Variants in ADAMTS9 observed in about 807,000 individuals in gnomAD.
The protein encoded by ADAMTS9 is A disintegrin and metalloproteinase with thrombospondin motifs 9.
Under a neutral mutation model 257.1 loss-of-function variants are expected in ADAMTS9, and 107 were observed. The ratio of observed to expected loss-of-function variants is 0.42; its 90% confidence interval spans 0.36 to 0.49. The LOEUF is 0.49. ADAMTS9 is among the 20% of genes least tolerant of loss of function. The pLI is 0.03. For synonymous variants in ADAMTS9, 982 were observed against 880.9 expected (o/e 1.11, Z -2.03); for missense variants, 2,353 against 2,469.1 (o/e 0.95, Z 1.00).
chr3:64,622,403 C>A lies in ADAMTS9; in HGVS notation c.2556+17G>T. 1 of 1,613,636 alleles carries A rather than the reference C, an allele frequency of 6.2e-7. No individual in the cohort carries two copies. Among genetic ancestry groups the A allele is most frequent in the South Asian group, 1.1e-5 (1 of 91,068 alleles). On this transcript the variant is annotated intron_variant, in intron 17 of 39. Coordinates refer to ENST00000498707, the MANE Select transcript of ADAMTS9 (RefSeq NM_182920.2). ...AAGCAGAAGAAAAGGGTGGTGGGCT[C>A]ATGGTCAAGTTTTTACCTGAAGCAA...
Position 64,607,006 on chromosome 3 carries a change from A to G in ADAMTS9, c.3428T>C (p.Val1143Ala), listed in dbSNP as rs1230531992. The G allele has an allele frequency of 3.7e-6, 6 of 1,613,738 alleles. No individual in the cohort carries two copies. The highest frequency in any genetic ancestry group is 5.1e-6 in the Non-Finnish European group (6 of 1,179,794). The change falls in exon 23 of 40, where the codon GTA becomes GCA. Residue 1143 changes from valine to alanine, a missense_variant. This residue lies in a region of ADAMTS9 where 1,402 missense variants were observed against 1,441.4 expected (regional missense o/e 0.97). Transcript: ENST00000498707. ...KCIIGTYMSV[V>A]DDNDCNAATR... ...TGCTGCATTACAGTCATTGTCATCT[A>G]CCACTGACATATAAGTCCCAATGAT...
chr3:64,619,661 T>C (rs946773764), intron 19 of ADAMTS9, among the ~76,000 whole-genome samples: 1 of 152,272 alleles, frequency 6.6e-6, no homozygotes, highest in East Asian at 1.9e-4. Flanking sequence ...AGAATATTAA[T>C]AGGATAATAT....
At chr3:64,557,104 T>G (rs1474870539) in intron 30 of ADAMTS9, among the ~76,000 whole-genome samples, 1 of 152,132 alleles carries the variant, frequency 6.6e-6, no homozygotes, top group Non-Finnish European at 1.5e-5. Flanking sequence ...GTGGTGTGAT[T>G]GGCAAAGGCT....
chr3:64,687,763 G>A lies in ADAMTS9; in HGVS notation c.-106C>T. 1.2e-6 allele frequency: 1 copy of A among 853,236 alleles called. No individual in the cohort carries two copies. Among genetic ancestry groups the A allele is most frequent in the South Asian group, 2.3e-5 (1 of 42,760 alleles). 52.9% of individuals were successfully genotyped at this position (853,236 alleles called of 1,614,324 possible). A position where few individuals can be genotyped will look rare whatever the true frequency, so the allele number is the denominator to read the frequency against. On this transcript the variant is annotated 5_prime_UTR_variant, in exon 1 of 40. Transcript: ENST00000498707. This position sits in a 1 kb window ranked among gnomAD's most constrained non-coding sequence, Gnocchi z 4.4. ...GGCCGTGGAGAGCGCGCGGAGCCCGGCGCCCGCCGCCAACTTTTGACTTTA... is the reference window on the plus strand; with the variant it reads ...GGCCGTGGAGAGCGCGCGGAGCCCGACGCCCGCCGCCAACTTTTGACTTTA...
intron 2 of ADAMTS9, among the ~76,000 whole-genome samples, chr3:64,682,326 A>T (rs1701779165): frequency 6.6e-6 from 1 of 152,286 alleles, no homozygotes; most frequent in Admixed American, 6.5e-5. Context: ...AAGGCTTAGA[A>T]CTCGTGAACG....
In ADAMTS9 at chr3:64,604,231, G is replaced by A. The variant is rs373668524; in HGVS notation, c.3575C>T (p.Thr1192Ile). The A allele has an allele frequency of 1.2e-6, 2 of 1,612,438 alleles. No homozygotes were observed. The highest frequency in any genetic ancestry group is 1.7e-6 in the Non-Finnish European group (2 of 1,179,200). Residue 1192 changes from threonine to isoleucine, a missense_variant, in exon 24 of 40, where the codon ACC (threonine) becomes ATC (isoleucine). By Grantham distance (89) the Thr-to-Ile change is moderately conservative. Transcript: ENST00000498707. Reference sequence around the variant, plus strand: ...TTCTCCCAGTCTATTTCTTACTGGGGTCCAAGACCCAAATCGCCACTGGGT... The same window carrying A: ...TTCTCCCAGTCTATTTCTTACTGGGATCCAAGACCCAAATCGCCACTGGGT... Reference protein sequence around the residue: ...PRTQWRFGSWTPCSATCGKGT... With the variant: ...PRTQWRFGSWIPCSATCGKGT...
At chr3:64,683,226 G>C (rs1315384256) in intron 2 of ADAMTS9, among the ~76,000 whole-genome samples, 2 of 152,212 alleles carry the variant, frequency 1.3e-5, no homozygotes, top group Non-Finnish European at 2.9e-5. Context: ...AGCTCAGCTG[G>C]TGACGATTTG....
At chr3:64,545,855 C>G (rs1287069579) in intron 32 of ADAMTS9, among the ~76,000 whole-genome samples, 1 of 152,176 alleles carries the variant, frequency 6.6e-6, no homozygotes, top group Non-Finnish European at 1.5e-5. Flanking sequence ...CATGGCCTCT[C>G]AAAGTGCTGG....
At position 64,631,699 on chromosome 3, in the gene ADAMTS9, G is replaced by A. The variant is rs73122292; in HGVS notation, c.2293+109C>T. 4,338 of 1,214,198 alleles carry A rather than the reference G, an allele frequency of 3.6e-3. 48 individuals carry two copies. Among genetic ancestry groups the A allele is most frequent in the South Asian group, 0.021 (1,671 of 78,418 alleles). 75.2% of individuals were successfully genotyped at this position (1,214,198 alleles called of 1,614,324 possible). On this transcript the variant is annotated intron_variant, in intron 15 of 39. Coordinates refer to ENST00000498707, the MANE Select transcript of ADAMTS9 (RefSeq NM_182920.2). ...TAGTCGATGGATAATCCACCATAAC[G>A]AGACTGATTTTTATGCTCGACATTA...
At chr3:64,519,349 AACAGCCTTT>A (rs1161176429) in intron 39 of ADAMTS9, among the ~76,000 whole-genome samples, 3 of 152,162 alleles carry the variant, frequency 2.0e-5, no homozygotes, top group Non-Finnish European at 4.4e-5. Context: ...CAGCCCAATA[AACAGCCTTT>A]TAAATAAGCT....
intron 3 of ADAMTS9, among the ~76,000 whole-genome samples, chr3:64,674,841 A>G (rs1701588778): frequency 3.3e-5 from 5 of 152,160 alleles, no homozygotes; most frequent in Admixed American, 3.3e-4. Context: ...TACCACTCGA[A>G]GGGCAGCTAA....
chr3:64,525,366 C>T (rs1559746212), intron 38 of ADAMTS9, among the ~76,000 whole-genome samples: 1 of 152,150 alleles, frequency 6.6e-6, no homozygotes, highest in Non-Finnish European at 1.5e-5. Context: ...TTCCACCCCT[C>T]CACCCTCTGC....
rs115707577 is a variant in ADAMTS9 at position 64,686,061 on chromosome 3, A to T, written c.516+507T>A. On this transcript the variant is annotated intron_variant, in intron 2 of 39. Transcript: ENST00000498707. This position sits in a 1 kb window ranked among gnomAD's most constrained non-coding sequence, Gnocchi z 4.6. ...CTGGCGCGTGAATAAAGGCCCTGAG[A>T]GAAAGCGGGGACTCTAGATTACGCA... Among the ~76,000 whole-genome samples the T allele has an allele frequency of 1.6e-3, 248 of 152,272 alleles. 2 individuals carry two copies. The highest frequency in any genetic ancestry group is 5.8e-3 in the African/African-American group (240 of 41,578).
At chr3:64,610,222 T>A (rs557245023) in intron 22 of ADAMTS9, among the ~76,000 whole-genome samples, 1 of 152,314 alleles carries the variant, frequency 6.6e-6, no homozygotes, top group African/African-American at 2.4e-5. Flanking sequence ...TTCCTTGACA[T>A]CATAAACAAG....
intron 37 of ADAMTS9, among the ~76,000 whole-genome samples, chr3:64,538,408 A>C (rs2083076323): frequency 6.6e-6 from 1 of 151,646 alleles, no homozygotes; most frequent in South Asian, 2.1e-4. Context: ...ACTTTTATTT[A>C]TTTTTTTAAA....
intron 11 of ADAMTS9, among the ~76,000 whole-genome samples, chr3:64,647,043 T>C (rs1364232676): frequency 6.6e-6 from 1 of 151,374 alleles, no homozygotes; most frequent in Non-Finnish European, 1.5e-5. Context: ...GAAAAGGAAA[T>C]GAGATGAGAA....
chr3:64,561,756 G>A lies in ADAMTS9; in HGVS notation c.4525-5C>T, dbSNP rs201456312. ...TCGGCCACAGGACACAGAGCACTAAGAAGACAGAGAACGTAAGTGGGAGCT... is the reference window on the plus strand; with the variant it reads ...TCGGCCACAGGACACAGAGCACTAAAAAGACAGAGAACGTAAGTGGGAGCT... On this transcript the variant is annotated splice_polypyrimidine_tract_variant and splice_region_variant and intron_variant, in intron 29 of 39. Coordinates refer to ENST00000498707, the MANE Select transcript of ADAMTS9 (RefSeq NM_182920.2). 28 of 1,388,008 alleles carry A rather than the reference G, an allele frequency of 2.0e-5. No homozygotes were observed. The East Asian group carries it at 1.2e-3, about 60-fold the overall frequency. 86.0% of individuals were successfully genotyped at this position (1,388,008 alleles called of 1,614,324 possible).
intron 11 of ADAMTS9, 134 bp from the exon 12 acceptor site, chr3:64,642,127 T>C: frequency 3.0e-6 from 3 of 1,000,274 alleles, no homozygotes; most frequent in Admixed American, 2.2e-5. Context: ...TCATCATCTA[T>C]ATGAATAATG....
At chr3:64,554,875 G>A (rs2083312010) in intron 30 of ADAMTS9, among the ~76,000 whole-genome samples, 1 of 152,212 alleles carries the variant, frequency 6.6e-6, no homozygotes, top group Admixed American at 6.5e-5. Flanking sequence ...ATTCAGCCAG[G>A]TAGGTTGGCC....
Sources: gnomAD v4.1 joint callset for allele counts (sites outside exome capture counted in the v4.1 genomes callset) on GRCh38, gnomAD v4.1.1 for gene constraint, gnomAD v4.1.1 regional missense constraint, Gnocchi (gnomAD v3.1) non-coding constraint, MANE v1.5 for transcripts, NCBI Gene and HGNC (gene_info 2026-07-23, HGNC 2026-07-21) for gene names.